The following USB1 variants were observed in gnomAD, a reference collection of about 807,000 sequenced individuals.
USB1 encodes U6 snRNA biogenesis phosphodiesterase 1.
Under a neutral mutation model 29.9 loss-of-function variants are expected in USB1, and 21 were observed. The observed-to-expected ratio is 0.70, with a 90% CI of 0.50 to 1.01. USB1 has a LOEUF of 1.01. Among genes scored for constraint, USB1 ranks in the 50% least tolerant of loss-of-function variants. The probability of loss-of-function intolerance (pLI) is 0.00; values close to 1 mark genes in which losing one functional copy is unlikely to be tolerated. For missense variants in USB1, 330 were observed against 347.1 expected (o/e 0.95, Z 0.39); for synonymous variants, 143 against 134.9 (o/e 1.06, Z -0.42).
chr16:58,018,572 G>A (rs1043105834), intron 5 of USB1, among the ~76,000 whole-genome samples: 1 of 152,070 alleles, frequency 6.6e-6, no homozygotes, highest in Non-Finnish European at 1.5e-5. Flanking sequence ...ATAGATGGCC[G>A]CCTTCACATG....
chr16:58,009,846 T>TCCCTCTG, intron 2 of USB1, 83 bp from the exon 3 acceptor site: 1 of 1,551,688 alleles, frequency 6.4e-7, no homozygotes. Context: ...AATAAGGACT[T>TCCCTCTG]CCCTCTGCCT....
chr16:58,020,425 TCTCTTC>T lies in USB1; in HGVS notation c.*187_*192del, dbSNP rs1268474483. 1.8e-5 allele frequency: 12 copies of T among 651,554 alleles called. No individual in the cohort carries two copies. Among genetic ancestry groups the T allele is most frequent in the Non-Finnish European group, 2.8e-5 (10 of 359,670 alleles). The allele number at this position is 651,554 out of a possible 1,614,324, so 40.4% of individuals were successfully genotyped here. ...AGTGCTGATATTCTCTCTCTCTCTT[TCTCTTC>T]CTCTTCTTTCTCTCTCTTCTCCTCT... On this transcript the variant is annotated 3_prime_UTR_variant, in exon 7 of 7. Coordinates refer to ENST00000219281, the MANE Select transcript of USB1 (RefSeq NM_024598.4).
intron 3 of USB1, chr16:58,011,848 A>T (rs767941642): frequency 1.2e-5 from 12 of 991,990 alleles, no homozygotes; most frequent in Non-Finnish European, 1.3e-5. Context: ...CTCACAGTAG[A>T]CATCAAATAG....
Position 58,013,698 on chromosome 16 carries a change from G to T in USB1, c.450-575G>T. On this transcript the variant is annotated intron_variant, in intron 3 of 6. Transcript: ENST00000219281. This position sits in a 1 kb window ranked among gnomAD's most constrained non-coding sequence, Gnocchi z 4.3. ...GTGACAACAAGGACTCTGGAAACAG[G>T]CAGACTGACTGTTCCAATCCTGGCT... The T allele has an allele frequency of 5.8e-6, 5 of 860,436 alleles. No homozygotes were observed. The highest frequency in any genetic ancestry group is 1.8e-5 in the African/African-American group (1 of 54,616). The allele number at this position is 860,436 out of a possible 1,614,324, so 53.3% of individuals were successfully genotyped here.
At position 58,007,412 on chromosome 16, in the gene USB1, C is replaced by T. The variant is rs368090846; in HGVS notation, c.266-2517C>T. 3.9e-5 allele frequency among the ~76,000 whole-genome samples: 6 copies of T among 152,240 alleles called. No individual in the cohort carries two copies. In the East Asian group the frequency reaches 9.7e-4, roughly 25 times the overall value. Reference sequence around the variant, plus strand: ...TGTTTGTTTTTCGGAGACAGAGTCTCACTCTGTTGCCCAGGATGGAGCACA... The same window carrying T: ...TGTTTGTTTTTCGGAGACAGAGTCTTACTCTGTTGCCCAGGATGGAGCACA... On this transcript the variant is annotated intron_variant, in intron 2 of 6. Transcript: ENST00000219281.
chr16:58,010,149 C>A, intron 3 of USB1, 37 bp downstream of exon 3: 1 of 1,612,546 alleles, frequency 6.2e-7, no homozygotes, highest in South Asian at 1.1e-5. Context: ...CACTCCCTCC[C>A]CTCCATGGCT....
chr16:58,014,359 G>T, intron 4 of USB1, 33 bp downstream of exon 4: 5 of 1,592,176 alleles, frequency 3.1e-6, no homozygotes, highest in Non-Finnish European at 4.3e-6. Flanking sequence ...CACCATCAGA[G>T]GAAGATTCTT....
intron 3 of USB1, chr16:58,012,717 G>A (rs1231957359): frequency 2.8e-6 from 3 of 1,086,668 alleles, no homozygotes; most frequent in East Asian, 1.3e-4. Flanking sequence ...TCCTGCGGAA[G>A]CTCTGCCCCT....
chr16:58,005,661 T>A (rs1201594434), intron 2 of USB1, among the ~76,000 whole-genome samples: 1 of 152,224 alleles, frequency 6.6e-6, no homozygotes, highest in East Asian at 1.9e-4. Flanking sequence ...GTATAACTCT[T>A]GTTGTTTTAT....
At chr16:58,009,908 C>T (rs1963449671) in intron 2 of USB1, 21 bp from the exon 3 acceptor site, 3 of 1,614,054 alleles carry the variant, frequency 1.9e-6, no homozygotes, top group Non-Finnish European at 2.5e-6. Context: ...ACGGCCCGCC[C>T]TCTTTACTCC....
chr16:58,012,730 A>G, intron 3 of USB1: 2 of 1,073,038 alleles, frequency 1.9e-6, no homozygotes, highest in African/African-American at 1.6e-5. Context: ...CTGCCCCTGG[A>G]TGAAGGAGGA....
At chr16:58,017,814 C>T (rs1002713244) in intron 5 of USB1, among the ~76,000 whole-genome samples, 2 of 152,212 alleles carry the variant, frequency 1.3e-5, no homozygotes, top group African/African-American at 4.8e-5. Context: ...GCACCTTGCC[C>T]AGGCCCTCCA....
chr16:58,009,489 G>A (rs1288255048), intron 2 of USB1, among the ~76,000 whole-genome samples: 1 of 152,112 alleles, frequency 6.6e-6, no homozygotes. Context: ...GGAGGCCGAG[G>A]CGGGCGGATC....
upstream of USB1, among the ~76,000 whole-genome samples, chr16:58,000,090 C>G (rs1189959139): frequency 6.6e-6 from 1 of 152,136 alleles, no homozygotes; most frequent in African/African-American, 2.4e-5. This position sits in a 1 kb window ranked among gnomAD's most constrained non-coding sequence, Gnocchi z 4.5. Flanking sequence ...GAATGAAAGC[C>G]GATCACCTCC....
Position 58,009,936 on chromosome 16 carries a change from C to T in USB1, c.273C>T (p.Ala91=). Residue 91 remains alanine, a synonymous_variant, in exon 3 of 7, where the codon GCC becomes GCT. Coordinates refer to ENST00000219281, the MANE Select transcript of USB1 (RefSeq NM_024598.4). Reference sequence around the variant, plus strand: ...TTTACTCCTCCCCTCCAGATGAAGCCAAGGAGGAGTTCCTGGATCTGCTTG... The same window carrying T: ...TTTACTCCTCCCCTCCAGATGAAGCTAAGGAGGAGTTCCTGGATCTGCTTG... The part of the protein sequence containing the change: ...WATHVYVPYE[A]KEEFLDLLDV... 6.2e-7 allele frequency: 1 copy of T among 1,613,904 alleles called. No homozygotes were observed. The highest frequency in any genetic ancestry group is 2.2e-5 in the East Asian group (1 of 44,846).
intron 6 of USB1, among the ~76,000 whole-genome samples, 193 bp downstream of exon 6, chr16:58,019,248 T>A (rs1963686983): frequency 6.6e-6 from 1 of 152,094 alleles, no homozygotes; most frequent in African/African-American, 2.4e-5. Context: ...ACCTGAAGCT[T>A]ATTAACAACA....
upstream of USB1, chr16:58,001,395 C>G: frequency 6.8e-7 from 1 of 1,479,970 alleles, no homozygotes; most frequent in South Asian, 1.2e-5. Flanking sequence ...CAGGCCCCGC[C>G]CCTGGGAGGG....
chr16:58,012,224 T>G (rs1963512438), intron 3 of USB1: 1 of 1,524,160 alleles, frequency 6.6e-7, no homozygotes, highest in African/African-American at 1.4e-5. Context: ...GAATAAGGGC[T>G]GAAACTCATC....
At chr16:58,010,183 C>A in intron 3 of USB1, 71 bp downstream of exon 3, 1 of 1,580,934 alleles carries the variant, frequency 6.3e-7, no homozygotes, top group Non-Finnish European at 8.7e-7. Context: ...TGAGCTACTG[C>A]GGGCATTACC....
Sources: allele counts gnomAD v4.1 joint callset (sites outside exome capture counted in the v4.1 genomes callset), GRCh38; gene constraint gnomAD v4.1.1; non-coding constraint Gnocchi (gnomAD v3.1); transcripts MANE v1.5; gene names NCBI Gene and HGNC (gene_info 2026-07-23, HGNC 2026-07-21).